The following ULK4 variants were observed in gnomAD, a reference collection of about 807,000 sequenced individuals.
ULK4 encodes the protein inactive serine/threonine-protein kinase ULK4.
Under a neutral mutation model 160.6 loss-of-function variants are expected in ULK4, and 133 were observed. The ratio of observed to expected loss-of-function variants is 0.83; its 90% CI spans 0.72 to 0.96. The LOEUF (loss-of-function observed/expected upper bound fraction) is 0.96, where lower values mean the gene tolerates loss of function less well. Ranked by LOEUF, ULK4 falls within the 40% of genes least tolerant of loss-of-function variation. ULK4 has a pLI of 0.00. For synonymous variants in ULK4, 534 were observed against 539.8 expected (o/e 0.99, Z 0.15); for missense variants, 1,580 against 1,499.5 (o/e 1.05, Z -0.89).
intron 19 of ULK4, among the ~76,000 whole-genome samples, chr3:41,815,462 G>C (rs1182466338): frequency 1.3e-5 from 2 of 149,472 alleles, no homozygotes; most frequent in Non-Finnish European, 3.0e-5. Flanking sequence ...TGAAATATAC[G>C]ATTTCACTTT....
chr3:41,498,561 C>A (rs12639280), intron 32 of ULK4, among the ~76,000 whole-genome samples: 1 of 150,766 alleles, frequency 6.6e-6, no homozygotes. Flanking sequence ...CATTAGAGAG[C>A]TTCTTCTTTT....
chr3:41,647,578 C>T (rs993755210), intron 30 of ULK4, among the ~76,000 whole-genome samples: 1 of 152,170 alleles, frequency 6.6e-6, no homozygotes, highest in Non-Finnish European at 1.5e-5. Context: ...GAGTACTGGG[C>T]CGTGTGAGGT....
intron 35 of ULK4, among the ~76,000 whole-genome samples, chr3:41,326,509 C>T (rs914834489): frequency 2.0e-5 from 3 of 151,376 alleles, no homozygotes; most frequent in African/African-American, 7.3e-5. Context: ...ATATATGTTA[C>T]CTCCTCTGTT....
chr3:41,470,568 C>T (rs760119789), intron 32 of ULK4, among the ~76,000 whole-genome samples: 15 of 152,104 alleles, frequency 9.9e-5, no homozygotes, highest in South Asian at 2.1e-4. Flanking sequence ...ATTCAGGATA[C>T]CTTAGAACTC....
intron 31 of ULK4, among the ~76,000 whole-genome samples, chr3:41,595,935 G>A (rs115269147): frequency 1.2e-3 from 187 of 152,286 alleles, no homozygotes; most frequent in African/African-American, 4.4e-3. Context: ...AGAGGGATGT[G>A]GGGTAAAGAG....
intron 18 of ULK4, among the ~76,000 whole-genome samples, chr3:41,823,900 C>A (rs555477157): frequency 3.9e-5 from 6 of 152,098 alleles, no homozygotes; most frequent in African/African-American, 1.2e-4. Flanking sequence ...TGGTGGCTCA[C>A]GCCTATAATC....
rs185903801 is a variant in ULK4, at chr3:41,563,072, A to C, written c.3226+2953T>G. Among the ~76,000 whole-genome samples, 376 of 152,234 alleles carry C rather than the reference A, an allele frequency of 2.5e-3. 8 individuals are homozygous for C. Among genetic ancestry groups the C allele is most frequent in the Admixed American group, 0.023 (353 of 15,282 alleles). On this transcript the variant is annotated intron_variant, in intron 32 of 36. Coordinates refer to ENST00000301831, the MANE Select transcript of ULK4 (RefSeq NM_017886.4). ...GCAAGCCTGGTGGTGACAGTCTCTC[A>C]GCATTTGCTTGTCTGTAAAGGATTT...
chr3:41,910,899 G>A, intron 11 of ULK4, among the ~76,000 whole-genome samples: 1 of 152,166 alleles, frequency 6.6e-6, no homozygotes, highest in East Asian at 1.9e-4. Context: ...GGAGGCAGAG[G>A]TTACAATGAA....
chr3:41,806,450 A>G lies in ULK4; in HGVS notation c.1849-6157T>C, dbSNP rs569944753. On this transcript the variant is annotated intron_variant, in intron 19 of 36. Coordinates refer to ENST00000301831, the MANE Select transcript of ULK4 (RefSeq NM_017886.4). The stretch of plus-strand genomic sequence containing the variant: ...CAAAAAACCAGCTCCTGGATTCATT[A>G]ATTTTTTCAAGGGTTTTTTGTGTCT... Among the ~76,000 whole-genome samples, 15 of 152,186 alleles carry G rather than the reference A, an allele frequency of 9.9e-5. 2 individuals carry two copies. The South Asian group carries it at 3.1e-3, about 32-fold the overall frequency.
Position 41,441,783 on chromosome 3 carries a change from C to T in ULK4, c.3492+13714G>A, listed in dbSNP as rs1024840478. Among the ~76,000 whole-genome samples, 15 of 152,182 alleles carry T rather than the reference C, an allele frequency of 9.9e-5. No homozygotes were observed. The East Asian group carries it at 2.7e-3, about 27-fold the overall frequency. On this transcript the variant is annotated intron_variant, in intron 34 of 36. Transcript: ENST00000301831. ...ATCTCTTCTATCAATTATTAACAAA[C>T]GGGCACTGAAATCTTTTATTTAAGC...
At chr3:41,822,710 T>G (rs950007061) in intron 18 of ULK4, among the ~76,000 whole-genome samples, 1 of 136,346 alleles carries the variant, frequency 7.3e-6, no homozygotes, top group Non-Finnish European at 1.6e-5. Flanking sequence ...TAAGCCACCA[T>G]GCCGGGCTGA....
At chr3:41,591,547 A>T (rs1458836854) in intron 31 of ULK4, among the ~76,000 whole-genome samples, 1 of 152,088 alleles carries the variant, frequency 6.6e-6, no homozygotes, top group Non-Finnish European at 1.5e-5. Context: ...AAAGTTAACG[A>T]ATTTGTGTTG....
intron 35 of ULK4, among the ~76,000 whole-genome samples, chr3:41,292,569 C>A (rs111438241): frequency 0.024 from 3,685 of 151,900 alleles, 82 homozygotes; most frequent in Non-Finnish European, 0.035. Context: ...ACTGCTTGAA[C>A]CCGGGAGGCA....
chr3:41,381,030 GC>G (rs1461917820), intron 35 of ULK4, among the ~76,000 whole-genome samples: 1 of 151,884 alleles, frequency 6.6e-6, no homozygotes, highest in Non-Finnish European at 1.5e-5. Context: ...CTGCCCCTCT[GC>G]CCCCAGCTTT....
intron 17 of ULK4, among the ~76,000 whole-genome samples, chr3:41,837,130 G>T (rs947707263): frequency 6.6e-6 from 1 of 152,162 alleles, no homozygotes; most frequent in Non-Finnish European, 1.5e-5. Context: ...GTCTCATTTT[G>T]CAAATAAGAG....
intron 18 of ULK4, among the ~76,000 whole-genome samples, chr3:41,828,146 T>A (rs1349406560): frequency 6.8e-6 from 1 of 146,452 alleles, no homozygotes; most frequent in Non-Finnish European, 1.5e-5. Flanking sequence ...ATGAGACCTA[T>A]CTCAAAATAA....
At chr3:41,264,840 A>C (rs559023551) in intron 35 of ULK4, among the ~76,000 whole-genome samples, 3 of 152,168 alleles carry the variant, frequency 2.0e-5, no homozygotes, top group Non-Finnish European at 4.4e-5. Context: ...TCATGTTACA[A>C]CTGGAGGAAA....
intron 34 of ULK4, among the ~76,000 whole-genome samples, chr3:41,451,359 C>T (rs73073136): frequency 1.3e-4 from 19 of 151,688 alleles, no homozygotes; most frequent in Non-Finnish European, 1.9e-4. Context: ...TGGAGGTTGG[C>T]TGGGTGAGAG....
At chr3:41,290,055 A>G (rs981687419) in intron 35 of ULK4, among the ~76,000 whole-genome samples, 3 of 152,074 alleles carry the variant, frequency 2.0e-5, no homozygotes, top group Non-Finnish European at 4.4e-5. Flanking sequence ...TTGTATTTTT[A>G]GGAGAGACGG....
Sources: allele counts gnomAD v4.1 joint callset (sites outside exome capture counted in the v4.1 genomes callset), GRCh38; gene constraint gnomAD v4.1.1; transcripts MANE v1.5; gene names NCBI Gene and HGNC (gene_info 2026-07-23, HGNC 2026-07-21).